The following CAB39 variants were observed in gnomAD, a reference collection of about 807,000 sequenced individuals.
CAB39 encodes the protein calcium-binding protein 39.
CAB39 carries 8 observed loss-of-function variants against 40.0 expected under a neutral mutation model. The ratio of observed to expected loss-of-function variants is 0.20; its 90% confidence interval spans 0.12 to 0.36. The LOEUF is 0.36. CAB39 is among the 10% of genes least tolerant of loss of function. CAB39 has a pLI of 1.00. For synonymous variants in CAB39, 156 were observed against 141.6 expected, an observed-to-expected ratio of 1.10 and a Z score of -0.72; for missense variants, 270 against 401.1, an observed-to-expected ratio of 0.67 and a Z score of 2.79.
intron 1 of CAB39, among the ~76,000 whole-genome samples, chr2:230,739,526 G>A (rs531362379): frequency 4.6e-5 from 7 of 151,972 alleles, no homozygotes; most frequent in Non-Finnish European, 8.8e-5. Flanking sequence ...ACAGAGTTTC[G>A]CCCTGTTGCC....
At chr2:230,731,343 A>G (rs1299488510) in intron 1 of CAB39, among the ~76,000 whole-genome samples, 1 of 152,242 alleles carries the variant, frequency 6.6e-6, no homozygotes, top group Non-Finnish European at 1.5e-5. Context: ...TCCCGTATAT[A>G]GCCAGGTTGT....
chr2:230,786,771 T>A (rs1341477907), intron 2 of CAB39, among the ~76,000 whole-genome samples: 4 of 152,176 alleles, frequency 2.6e-5, no homozygotes, highest in African/African-American at 4.8e-5. Context: ...ATTCTTCCTG[T>A]CAAAGAGAAT....
At chr2:230,786,189 G>A (rs1275431295) in intron 2 of CAB39, among the ~76,000 whole-genome samples, 9 of 127,910 alleles carry the variant, frequency 7.0e-5, no homozygotes, top group South Asian at 5.1e-4. Flanking sequence ...AAAAAAAAAA[G>A]AGATGGAGTC....
chr2:230,800,066 G>T (rs1219838736), intron 5 of CAB39, among the ~76,000 whole-genome samples: 2 of 151,770 alleles, frequency 1.3e-5, no homozygotes, highest in African/African-American at 4.8e-5. Context: ...CCAGTATTTA[G>T]CATACTGATA....
intron 1 of CAB39, among the ~76,000 whole-genome samples, chr2:230,735,410 G>A (rs1056467670): frequency 2.0e-5 from 3 of 151,866 alleles, no homozygotes; most frequent in South Asian, 2.1e-4. Flanking sequence ...CAAGTGATCC[G>A]TCCGCCTCGG....
chr2:230,814,821 TTA>T (rs1696372242), intron 7 of CAB39, among the ~76,000 whole-genome samples: 1 of 152,228 alleles, frequency 6.6e-6, no homozygotes, highest in African/African-American at 2.4e-5. Flanking sequence ...TAGAAAGTTC[TTA>T]TAGCAGTTAA....
At chr2:230,754,398 C>T (rs1695149994) in intron 1 of CAB39, among the ~76,000 whole-genome samples, 1 of 145,956 alleles carries the variant, frequency 6.9e-6, no homozygotes. Context: ...TCCTTCTTCC[C>T]CTTCCCCTCC....
chr2:230,814,995 C>A (rs1356893770), intron 7 of CAB39, among the ~76,000 whole-genome samples: 1 of 152,144 alleles, frequency 6.6e-6, no homozygotes, highest in African/African-American at 2.4e-5. Context: ...GTGTCTGGAC[C>A]GATAATGACC....
intron 1 of CAB39, among the ~76,000 whole-genome samples, chr2:230,727,342 G>GC (rs902235169): frequency 1.3e-5 from 2 of 148,350 alleles, no homozygotes; most frequent in African/African-American, 5.1e-5. Flanking sequence ...AAGAAGTAGA[G>GC]CACTTGAATA....
chr2:230,813,905 A>C (rs1037849437), intron 6 of CAB39, 144 bp from the exon 7 acceptor site: 1 of 528,696 alleles, frequency 1.9e-6, no homozygotes, highest in Non-Finnish European at 3.2e-6. Context: ...GTGGCAGGGG[A>C]GCCAGGGCAG....
At chr2:230,802,468 G>A (rs1212706653) in intron 5 of CAB39, among the ~76,000 whole-genome samples, 1 of 152,152 alleles carries the variant, frequency 6.6e-6, no homozygotes, top group East Asian at 1.9e-4. Context: ...AGTGAATCCA[G>A]GAGCTGGTTT....
rs79504974 is a variant in CAB39, at chr2:230,720,344, T to C, written c.-44+7114T>C. 5.3e-3 allele frequency among the ~76,000 whole-genome samples: 810 copies of C among 152,338 alleles called. 6 individuals are homozygous for C. The highest frequency in any genetic ancestry group is 0.018 in the African/African-American group (763 of 41,578). On this transcript the variant is annotated intron_variant, in intron 1 of 8. Transcript: ENST00000258418. ...TCACAGGGTTCTTTGCAGCTCGGGA[T>C]TCTATCACTGGTAAGAGATAAGGGT...
In CAB39 at chr2:230,774,353, A is replaced by T. The variant is rs183025399; in HGVS notation, c.114+14238A>T. Among the ~76,000 whole-genome samples the T allele has an allele frequency of 2.2e-3, 342 of 152,296 alleles. 2 individuals carry two copies. Among genetic ancestry groups the T allele is most frequent in the Admixed American group, 0.015 (233 of 15,298 alleles). Reference sequence around the variant, plus strand: ...GTTACCACATTAAGAATTGTGTATGATACAAATAGATTAGTCTCTTAGGAG... The same window carrying T: ...GTTACCACATTAAGAATTGTGTATGTTACAAATAGATTAGTCTCTTAGGAG... On this transcript the variant is annotated intron_variant, in intron 2 of 8. Coordinates refer to ENST00000258418, the MANE Select transcript of CAB39 (RefSeq NM_016289.4).
intron 1 of CAB39, among the ~76,000 whole-genome samples, chr2:230,714,389 C>G (rs992005597): frequency 6.6e-6 from 1 of 152,138 alleles, no homozygotes; most frequent in East Asian, 1.9e-4. Flanking sequence ...CCCAGATAAT[C>G]AAGTAAATCC....
At chr2:230,766,740 G>T (rs1235014615) in intron 2 of CAB39, among the ~76,000 whole-genome samples, 1 of 152,168 alleles carries the variant, frequency 6.6e-6, no homozygotes, top group Non-Finnish European at 1.5e-5. Context: ...TGTTGCCCAG[G>T]CTGGCCTTGA....
At chr2:230,727,752 A>G (rs887065046) in intron 1 of CAB39, among the ~76,000 whole-genome samples, 2 of 152,144 alleles carry the variant, frequency 1.3e-5, no homozygotes, top group African/African-American at 4.8e-5. Flanking sequence ...ATTAAAGGCC[A>G]TGCCCTCGCA....
intron 2 of CAB39, among the ~76,000 whole-genome samples, chr2:230,783,549 C>T (rs1234793682): frequency 1.3e-5 from 2 of 151,998 alleles, no homozygotes; most frequent in Non-Finnish European, 2.9e-5. Context: ...GGCACCATCT[C>T]GGCTCAGTTC....
intron 5 of CAB39, among the ~76,000 whole-genome samples, chr2:230,804,330 A>G (rs989361181): frequency 6.6e-6 from 1 of 152,240 alleles, no homozygotes; most frequent in Non-Finnish European, 1.5e-5. Flanking sequence ...CATTCAGGAC[A>G]TAGGCATGGG....
intron 5 of CAB39, among the ~76,000 whole-genome samples, chr2:230,809,695 C>T (rs1049614728): frequency 6.6e-6 from 1 of 152,170 alleles, no homozygotes; most frequent in East Asian, 1.9e-4. Flanking sequence ...GGTTCACAGT[C>T]GTTGTTAATT....
Sources: gnomAD v4.1 joint callset for allele counts (sites outside exome capture counted in the v4.1 genomes callset) on GRCh38, gnomAD v4.1.1 for gene constraint, MANE v1.5 for transcripts, NCBI Gene and HGNC (gene_info 2026-07-23, HGNC 2026-07-21) for gene names.